Variants in EYA1 observed in about 807,000 individuals in gnomAD.
EYA1 encodes the protein protein phosphatase EYA1.
In EYA1, 16 loss-of-function variants were observed where a neutral mutation model predicts 82.0. The ratio of observed to expected loss-of-function variants is 0.20; its 90% CI spans 0.13 to 0.30. The LOEUF is 0.30. Among genes scored for constraint, EYA1 ranks in the 10% least tolerant of loss-of-function variants. EYA1 has a pLI of 1.00. For missense variants in EYA1, 633 were observed against 730.7 expected, an observed-to-expected ratio of 0.87 and a Z score of 1.54; for synonymous variants, 261 against 264.4, an observed-to-expected ratio of 0.99 and a Z score of 0.12.
intron 9 of EYA1, among the ~76,000 whole-genome samples, chr8:71,294,459 A>AAAAC (rs144271740): frequency 0.53 from 71,007 of 135,056 alleles, 17,346 homozygotes; most frequent in East Asian, 0.75. Flanking sequence ...TCCGTCTCAA[A>AAAAC]AAACAAACAA....
chr8:71,413,614 T>C (rs1563590029), intron 2 of EYA1, among the ~76,000 whole-genome samples: 2 of 152,202 alleles, frequency 1.3e-5, no homozygotes, highest in South Asian at 4.1e-4. Context: ...TAAATAGCCA[T>C]TTTCTGATTA....
intron 9 of EYA1, among the ~76,000 whole-genome samples, chr8:71,277,016 C>T (rs953872080): frequency 6.6e-6 from 1 of 151,436 alleles, no homozygotes; most frequent in African/African-American, 2.4e-5. Context: ...CCTTCAACAA[C>T]CTTATCTCTA....
At chr8:71,494,775 TATAAGGAAAATACCCTGTAA>T (rs891741250) in intron 2 of EYA1, among the ~76,000 whole-genome samples, 1 of 152,110 alleles carries the variant, frequency 6.6e-6, no homozygotes, top group Non-Finnish European at 1.5e-5. Flanking sequence ...CTAAAATATG[TATAAGGAAAATACCCTGTAA>T]ATAACTGAAT....
intron 2 of EYA1, among the ~76,000 whole-genome samples, chr8:71,526,237 A>G (rs1813807730): frequency 6.7e-6 from 1 of 149,888 alleles, no homozygotes; most frequent in Non-Finnish European, 1.5e-5. Flanking sequence ...TATATATATT[A>G]ATATGTATAT....
At chr8:71,472,814 T>G (rs1455355016) in intron 2 of EYA1, among the ~76,000 whole-genome samples, 1 of 146,810 alleles carries the variant, frequency 6.8e-6, no homozygotes, top group Non-Finnish European at 1.5e-5. Flanking sequence ...TATATATATA[T>G]CTGTCAGTGA....
intron 2 of EYA1, among the ~76,000 whole-genome samples, chr8:71,519,560 A>T (rs1813232861): frequency 6.6e-6 from 1 of 152,050 alleles, no homozygotes; most frequent in Non-Finnish European, 1.5e-5. Context: ...AGCCTCTGCT[A>T]TAGACCTTGG....
chr8:71,407,994 G>A (rs1420895129), intron 2 of EYA1, among the ~76,000 whole-genome samples: 2 of 151,370 alleles, frequency 1.3e-5, no homozygotes, highest in Non-Finnish European at 3.0e-5. Context: ...TACCCTCAAA[G>A]GGAAGCCCAT....
chr8:71,362,151 C>CTTTCTT (rs1182715193), upstream of EYA1: 1 of 452,572 alleles, frequency 2.2e-6, no homozygotes. Flanking sequence ...AGCCTCGGGG[C>CTTTCTT]TTTCTTTTTT....
chr8:71,437,129 C>A (rs1806071691), intron 2 of EYA1, among the ~76,000 whole-genome samples: 1 of 148,748 alleles, frequency 6.7e-6, no homozygotes, highest in Non-Finnish European at 1.5e-5. Flanking sequence ...CATAGTTTGC[C>A]TACATATAAT....
rs1806580147 is a variant in EYA1, at chr8:71,198,870, A to AGAT, written c.*467_*469dup. The AGAT allele has an allele frequency of 5.5e-6, 1 of 182,078 alleles. No homozygotes were observed. Among genetic ancestry groups the AGAT allele is most frequent in the Non-Finnish European group, 1.2e-5 (1 of 85,156 alleles). The allele number at this position is 182,078 out of a possible 1,614,324, so 11.3% of individuals were successfully genotyped here. A position where few individuals can be genotyped will look rare whatever the true frequency, so the allele number is the denominator to read the frequency against. ...AAAAAGTCTGTTCATAAATAAGTAG[A>AGAT]GATGTACAGATTACCCTGGGTATGA... On this transcript the variant is annotated 3_prime_UTR_variant, in exon 18 of 18. Coordinates refer to ENST00000340726, the MANE Select transcript of EYA1 (RefSeq NM_000503.6).
intron 17 of EYA1, among the ~76,000 whole-genome samples, chr8:71,206,003 T>C (rs1243821066): frequency 1.3e-5 from 2 of 152,198 alleles, no homozygotes; most frequent in Non-Finnish European, 2.9e-5. Flanking sequence ...ATAAACTAAA[T>C]TGCTCAGGAG....
At chr8:71,294,901 A>G (rs922830044) in intron 9 of EYA1, among the ~76,000 whole-genome samples, 2 of 152,224 alleles carry the variant, frequency 1.3e-5, no homozygotes, top group African/African-American at 4.8e-5. Flanking sequence ...AAATGGATCA[A>G]TGGAACAGAA....
intron 2 of EYA1, among the ~76,000 whole-genome samples, chr8:71,426,931 A>G (rs183914770): frequency 9.9e-5 from 15 of 152,240 alleles, no homozygotes; most frequent in African/African-American, 3.6e-4. Flanking sequence ...GATGAGAAAT[A>G]AAAAGCAGGA....
chr8:71,445,207 C>T (rs1286972013), intron 2 of EYA1, among the ~76,000 whole-genome samples: 1 of 152,172 alleles, frequency 6.6e-6, no homozygotes, highest in African/African-American at 2.4e-5. Flanking sequence ...CATCCATCCT[C>T]ATTCTTTTTA....
At chr8:71,453,970 A>G (rs1807636943) in intron 2 of EYA1, among the ~76,000 whole-genome samples, 1 of 152,202 alleles carries the variant, frequency 6.6e-6, no homozygotes, top group South Asian at 2.1e-4. Context: ...AAAGACACAG[A>G]CTGGCAAATT....
chr8:71,463,626 TCTCTCTCC>T lies in EYA1; in HGVS notation c.33+72110_33+72117del, dbSNP rs1563640202. On this transcript the variant is annotated intron_variant, in intron 2 of 18. Transcript: ENST00000643681. ...CTCTCTCTCTCTCTCTCTCTCTCTC[TCTCTCTCC>T]CTCCCTCCCCCCTCCCACACACACA... is the stretch of plus-strand genomic sequence containing the variant. 1.9e-3 allele frequency among the ~76,000 whole-genome samples: 97 copies of T among 51,518 alleles called. 3 individuals are homozygous for T. The highest frequency in any genetic ancestry group is 7.1e-3 in the South Asian group (11 of 1,544). The allele number at this position is 51,518 out of a possible 152,430, so 33.8% of individuals were successfully genotyped here.
rs527462681 is a variant in EYA1, at chr8:71,507,024, A to T, written c.33+28720T>A. 1.9e-4 allele frequency among the ~76,000 whole-genome samples: 29 copies of T among 152,334 alleles called. 1 individual carries two copies. In the South Asian group the frequency reaches 5.6e-3, roughly 29 times the overall value. ...AATAACCGAAATTCAACAGAAAAGGAATAACTGACTTTAAAACATATAAAC... is the reference window on the plus strand; with the variant it reads ...AATAACCGAAATTCAACAGAAAAGGTATAACTGACTTTAAAACATATAAAC... On this transcript the variant is annotated intron_variant, in intron 2 of 18. Transcript: ENST00000643681.
chr8:71,468,207 C>G (rs921637837), intron 2 of EYA1, among the ~76,000 whole-genome samples: 2 of 152,212 alleles, frequency 1.3e-5, no homozygotes, highest in East Asian at 3.9e-4. Flanking sequence ...ATAACTTGCC[C>G]AAGTTCATCC....
intron 4 of EYA1, among the ~76,000 whole-genome samples, chr8:71,331,293 T>C (rs925096919): frequency 2.0e-5 from 3 of 149,838 alleles, no homozygotes; most frequent in African/African-American, 4.9e-5. Context: ...CACATATATA[T>C]ACATATATAT....
Sources: gnomAD v4.1 joint callset for allele counts (sites outside exome capture counted in the v4.1 genomes callset) on GRCh38, gnomAD v4.1.1 for gene constraint, MANE v1.5 for transcripts, NCBI Gene and HGNC (gene_info 2026-07-23, HGNC 2026-07-21) for gene names.